The following TYW1B variants were observed in gnomAD, a reference collection of about 807,000 sequenced individuals.
TYW1B encodes the protein S-adenosyl-L-methionine-dependent tRNA 4-demethylwyosine synthase TYW1B.
A neutral mutation model predicts 86.9 loss-of-function variants in TYW1B; 73 were observed. The observed-to-expected ratio is 0.84, with a 90% CI of 0.70 to 1.02. The LOEUF (loss-of-function observed/expected upper bound fraction) is 1.02, where lower values mean the gene tolerates loss of function less well. Ranked by LOEUF, TYW1B falls within the 50% of genes least tolerant of loss-of-function variation. The probability of loss-of-function intolerance (pLI) is 0.00; values close to 1 mark genes in which losing one functional copy is unlikely to be tolerated. For missense variants in TYW1B, 637 were observed against 827.4 expected (o/e 0.77, Z 2.82); for synonymous variants, 248 against 292.8 (o/e 0.85, Z 1.56).
At chr7:72,680,430 T>C (rs1813841058) in intron 11 of TYW1B, among the ~76,000 whole-genome samples, 1 of 152,122 alleles carries the variant, frequency 6.6e-6, no homozygotes, top group South Asian at 2.1e-4. Flanking sequence ...CCCTCGAACA[T>C]CAAACTCCAA....
intron 11 of TYW1B, among the ~76,000 whole-genome samples, chr7:72,631,872 T>C (rs576333765): frequency 2.0e-5 from 3 of 152,290 alleles, no homozygotes; most frequent in South Asian, 2.1e-4. Flanking sequence ...TACCTGAATG[T>C]AGCATTTAGC....
chr7:72,723,144 A>G, intron 9 of TYW1B: 3 of 565,610 alleles, frequency 5.3e-6, no homozygotes, highest in South Asian at 1.0e-4. Context: ...ATAGATTATA[A>G]ATATATAAGG....
intron 11 of TYW1B, among the ~76,000 whole-genome samples, chr7:72,678,679 C>G (rs1239871986): frequency 7.9e-6 from 1 of 126,882 alleles, no homozygotes; most frequent in Non-Finnish European, 1.6e-5. Flanking sequence ...GTAGCTGGGA[C>G]AACAGGCGCG....
intron 11 of TYW1B, among the ~76,000 whole-genome samples, chr7:72,652,376 T>A (rs1339742542): frequency 8.5e-5 from 2 of 23,540 alleles, no homozygotes; most frequent in African/African-American, 1.1e-4. Flanking sequence ...AGACTCTGTC[T>A]GAAAAAAAAA....
chr7:72,659,671 C>A (rs782805490), intron 11 of TYW1B, among the ~76,000 whole-genome samples: 29 of 152,132 alleles, frequency 1.9e-4, no homozygotes, highest in African/African-American at 6.3e-4. Flanking sequence ...GTGTGCAAAC[C>A]GGGTGGTGGG....
intron 7 of TYW1B, among the ~76,000 whole-genome samples, chr7:72,753,703 A>G (rs901912034): frequency 1.3e-5 from 2 of 151,082 alleles, no homozygotes; most frequent in Admixed American, 1.3e-4. Context: ...CTGGTCTTGA[A>G]CTCCTGATCT....
intron 7 of TYW1B, among the ~76,000 whole-genome samples, chr7:72,770,810 T>C (rs1417249622): frequency 1.3e-5 from 2 of 152,082 alleles, no homozygotes; most frequent in Non-Finnish European, 2.9e-5. Context: ...ATTCATACAA[T>C]GGCATACTAC....
chr7:72,650,462 C>T (rs1469357723), intron 11 of TYW1B, among the ~76,000 whole-genome samples: 4 of 152,082 alleles, frequency 2.6e-5, no homozygotes, highest in African/African-American at 4.8e-5. Flanking sequence ...GTAGACCACA[C>T]TTACACTAAC....
intron 7 of TYW1B, among the ~76,000 whole-genome samples, chr7:72,749,415 T>A (rs544904672): frequency 6.6e-6 from 1 of 152,130 alleles, no homozygotes; most frequent in Non-Finnish European, 1.5e-5. Flanking sequence ...TGCCTCAGCC[T>A]CCTGAGTAGC....
At chr7:72,788,548 T>C (rs1395713838) in intron 6 of TYW1B, among the ~76,000 whole-genome samples, 1 of 152,184 alleles carries the variant, frequency 6.6e-6, no homozygotes, top group Non-Finnish European at 1.5e-5. Context: ...TGTTTTGTTT[T>C]TGAGATGGGA....
At chr7:72,748,072 C>G (rs1175191949) in intron 7 of TYW1B, among the ~76,000 whole-genome samples, 2 of 152,076 alleles carry the variant, frequency 1.3e-5, no homozygotes, top group African/African-American at 2.4e-5. Context: ...AGATCGAGAC[C>G]GTCCTGGCTA....
chr7:72,750,210 G>A (rs1380142785), intron 7 of TYW1B, among the ~76,000 whole-genome samples: 1 of 152,052 alleles, frequency 6.6e-6, no homozygotes, highest in Non-Finnish European at 1.5e-5. Flanking sequence ...CCTGAATTCA[G>A]CTTGAAGAAC....
chr7:72,701,127 A>T (rs1814461319), intron 10 of TYW1B, among the ~76,000 whole-genome samples: 1 of 152,012 alleles, frequency 6.6e-6, no homozygotes, highest in Admixed American at 6.6e-5. Flanking sequence ...TAAAATAGCC[A>T]ATGTCAAATC....
At chr7:72,708,520 G>A (rs1214834138) in intron 10 of TYW1B, among the ~76,000 whole-genome samples, 4 of 152,106 alleles carry the variant, frequency 2.6e-5, no homozygotes, top group African/African-American at 9.7e-5. Flanking sequence ...AGCTGAACTT[G>A]CTGACTTGCT....
chr7:72,689,785 G>C (rs1814096586), intron 11 of TYW1B, among the ~76,000 whole-genome samples: 1 of 152,184 alleles, frequency 6.6e-6, no homozygotes, highest in African/African-American at 2.4e-5. Flanking sequence ...TGGAATTATA[G>C]GTATTTCTTT....
chr7:72,743,844 C>CA (rs71071911), intron 8 of TYW1B, among the ~76,000 whole-genome samples: 11,505 of 87,240 alleles, frequency 0.13, 863 homozygotes, highest in East Asian at 0.39. Context: ...AACTCCATCT[C>CA]AAAAAAAAAA....
chr7:72,675,457 C>G lies in TYW1B; in HGVS notation c.1506+19230G>C, dbSNP rs1327312526. Among the ~76,000 whole-genome samples, 7 of 151,362 alleles carry G rather than the reference C, an allele frequency of 4.6e-5. No individual in the cohort carries two copies. The East Asian group carries it at 1.4e-3, about 29-fold the overall frequency. ...CAATTTTTTCCAATCACTAAGTCAA[C>G]TGGAAAAGGACAACTACACATTATT... On this transcript the variant is annotated intron_variant, in intron 11 of 13. Coordinates refer to ENST00000620995, the MANE Select transcript of TYW1B (RefSeq NM_001145440.3).
Position 72,754,203 on chromosome 7 carries a change from G to C in TYW1B, c.965-9602C>G, listed in dbSNP as rs140738500. ...TGCCCAGGCTGGAGTGTGGTGGCACGATCTCGGCTCACTGCAACCTCCACC... is the reference window on the plus strand; with the variant it reads ...TGCCCAGGCTGGAGTGTGGTGGCACCATCTCGGCTCACTGCAACCTCCACC... On this transcript the variant is annotated intron_variant, in intron 7 of 13. Transcript: ENST00000620995. Among the ~76,000 whole-genome samples, 955 of 150,898 alleles carry C rather than the reference G, an allele frequency of 6.3e-3. 7 individuals are homozygous for C. Among genetic ancestry groups the C allele is most frequent in the Non-Finnish European group, 8.5e-3 (575 of 67,676 alleles).
chr7:72,727,854 A>G (rs1482946101), intron 9 of TYW1B, among the ~76,000 whole-genome samples: 2 of 150,800 alleles, frequency 1.3e-5, no homozygotes, highest in African/African-American at 2.4e-5. Context: ...AAAAAAGCAT[A>G]CTCTTGCGCT....
Sources: allele counts gnomAD v4.1 joint callset (sites outside exome capture counted in the v4.1 genomes callset), GRCh38; gene constraint gnomAD v4.1.1; transcripts MANE v1.5; gene names NCBI Gene and HGNC (gene_info 2026-07-23, HGNC 2026-07-21).